Variants in FIBCD1 observed in about 807,000 individuals in gnomAD.
FIBCD1 encodes the protein fibrinogen C domain-containing protein 1.
FIBCD1 carries 47 observed loss-of-function variants against 45.1 expected under a neutral mutation model. The observed-to-expected ratio is 1.04, with a 90% CI of 0.82 to 1.33. FIBCD1 has a LOEUF of 1.33. Among genes scored for constraint, FIBCD1 ranks in the 40% most tolerant of loss-of-function variants. FIBCD1 has a pLI of 0.00. For synonymous variants in FIBCD1, 313 were observed against 308.1 expected (o/e 1.02, Z -0.17); for missense variants, 653 against 682.2 (o/e 0.96, Z 0.48).
rs751015097 is a variant in FIBCD1 at position 130,903,966 on chromosome 9, G to C, written c.*98C>G. ...CCCCTCCCTACTGGAGAGTGGGTCC[G>C]CCAGGCACAGGTGGGTGGAGAACAT... On this transcript the variant is annotated 3_prime_UTR_variant, in exon 7 of 7. Coordinates refer to ENST00000372338, the MANE Select transcript of FIBCD1 (RefSeq NM_032843.5). The C allele has an allele frequency of 2.0e-6, 3 of 1,500,766 alleles. No individual in the cohort carries two copies. The highest frequency in any genetic ancestry group is 2.7e-6 in the Non-Finnish European group (3 of 1,101,408). 93.0% of individuals were successfully genotyped at this position (1,500,766 alleles called of 1,614,324 possible).
chr9:130,929,589 C>T lies in FIBCD1; in HGVS notation c.530G>A (p.Ser177Asn). The change falls in exon 2 of 7, where the codon AGT becomes AAT. Residue 177 changes from serine (S) to asparagine (N), a missense_variant. Physicochemically the swap from Ser to Asn is conservative, Grantham distance 46. Transcript: ENST00000372338. ...TACCTGGATGAGGCGGCCCTGCTCA[C>T]TCTGCAGGGCGCTGAGGCCCTGGCC... ...TLGQGLSALQ[S>N]EQGRLIQLLS... 2 of 1,509,864 alleles carry T rather than the reference C, an allele frequency of 1.3e-6. No homozygotes were observed. Among genetic ancestry groups the T allele is most frequent in the Non-Finnish European group, 8.8e-7 (1 of 1,131,842 alleles). 93.5% of individuals were successfully genotyped at this position (1,509,864 alleles called of 1,614,324 possible).
chr9:130,920,951 G>A (rs377239961), intron 4 of FIBCD1, among the ~76,000 whole-genome samples: 3 of 152,250 alleles, frequency 2.0e-5, no homozygotes, highest in African/African-American at 4.8e-5. Context: ...AAGAATGAGC[G>A]TGTGCCACTG....
chr9:130,932,937 T>C (rs1832463456), intron 1 of FIBCD1, among the ~76,000 whole-genome samples: 1 of 152,164 alleles, frequency 6.6e-6, no homozygotes, highest in South Asian at 2.1e-4. Context: ...TCAGACTGTG[T>C]AGCATTAAGG....
chr9:130,924,535 CCCCTTGGGTCCCTGT>C, intron 2 of FIBCD1, 139 bp from the exon 3 acceptor site: 1 of 795,640 alleles, frequency 1.3e-6, no homozygotes, highest in African/African-American at 1.8e-5. Context: ...CCCTGCCCTG[CCCCTTGGGTCCCTGT>C]CCAAGGTGGT....
At chr9:130,925,499 G>A (rs559007751) in intron 2 of FIBCD1, among the ~76,000 whole-genome samples, 47 of 152,294 alleles carry the variant, frequency 3.1e-4, no homozygotes, top group African/African-American at 1.1e-3. Flanking sequence ...AACAGTGTCC[G>A]AATCTCTCCA....
intron 4 of FIBCD1, among the ~76,000 whole-genome samples, chr9:130,915,185 C>T (rs1459934597): frequency 1.3e-5 from 2 of 152,232 alleles, no homozygotes; most frequent in African/African-American, 4.8e-5. Context: ...GTGCCAAGAG[C>T]TGGTCCCTGC....
At chr9:130,930,905 C>T (rs971738564) in intron 1 of FIBCD1, 12 of 441,670 alleles carry the variant, frequency 2.7e-5, no homozygotes, top group Admixed American at 1.7e-4. Context: ...TCTCTGGGAA[C>T]GAGTGCCCTG....
At position 130,903,990 on chromosome 9, in the gene FIBCD1, A is replaced by G; in HGVS notation, c.*74T>C. The G allele has an allele frequency of 6.4e-7, 1 of 1,558,312 alleles. No homozygotes were observed. Among genetic ancestry groups the G allele is most frequent in the South Asian group, 1.2e-5 (1 of 85,104 alleles). On this transcript the variant is annotated 3_prime_UTR_variant, in exon 7 of 7. Coordinates refer to ENST00000372338, the MANE Select transcript of FIBCD1 (RefSeq NM_032843.5). ...CGCCAGGCACAGGTGGGTGGAGAAC[A>G]TTCACGAAAGAGTGAGGTGGGGTCG... is the stretch of plus-strand genomic sequence containing the variant.
In FIBCD1 at chr9:130,929,685, G is replaced by C; in HGVS notation, c.434C>G (p.Pro145Arg). The change falls in exon 2 of 7, where the codon CCC (proline) becomes CGC (arginine). Residue 145 changes from proline to arginine, a missense_variant. Pro to Arg is a moderately radical substitution (Grantham distance 103, BLOSUM62 -2). Coordinates refer to ENST00000372338, the MANE Select transcript of FIBCD1 (RefSeq NM_032843.5). ...CTCTGAGGCTCGGGCCAGCAGCCGG[G>C]GCAGCTGGTCGGCCAGCGTGTCCAG... ...ELLDTLADQL[P>R]RLLARASELQ... 1 of 1,604,158 alleles carries C rather than the reference G, an allele frequency of 6.2e-7. No individual in the cohort carries two copies. Among genetic ancestry groups the C allele is most frequent in the Non-Finnish European group, 8.5e-7 (1 of 1,176,062 alleles).
chr9:130,912,892 C>T (rs1430927019), intron 4 of FIBCD1, among the ~76,000 whole-genome samples: 1 of 152,190 alleles, frequency 6.6e-6, no homozygotes, highest in East Asian at 1.9e-4. Context: ...GAGCACCCCC[C>T]ACACACCCCA....
chr9:130,933,115 G>T (rs533961097), intron 1 of FIBCD1, among the ~76,000 whole-genome samples: 1 of 152,336 alleles, frequency 6.6e-6, no homozygotes, highest in South Asian at 2.1e-4. Context: ...GCCGCAGGGG[G>T]TCCCCTAGAG....
At chr9:130,924,453 C>T (rs1342054209) in intron 2 of FIBCD1, 57 bp from the exon 3 acceptor site, 14 of 1,502,656 alleles carry the variant, frequency 9.3e-6, no homozygotes, top group African/African-American at 6.8e-5. Flanking sequence ...GGTGGGGTGG[C>T]GCACATAGCA....
upstream of FIBCD1, among the ~76,000 whole-genome samples, chr9:130,940,281 C>A (rs888690806): frequency 1.3e-5 from 2 of 152,266 alleles, no homozygotes; most frequent in African/African-American, 4.8e-5. Flanking sequence ...TGCCACCCGC[C>A]AGGCGCTGGG....
In FIBCD1 at chr9:130,926,390, A is replaced by G. The variant is rs575100026; in HGVS notation, c.553-1994T>C. Among the ~76,000 whole-genome samples the G allele has an allele frequency of 5.3e-5, 8 of 152,240 alleles. No homozygotes were observed. Among genetic ancestry groups the G allele is most frequent in the Non-Finnish European group, 1.0e-4 (7 of 68,040 alleles). On this transcript the variant is annotated intron_variant, in intron 2 of 6. Transcript: ENST00000372338. This position sits in a 1 kb window ranked among gnomAD's most constrained non-coding sequence, Gnocchi z 4.1. ...AGTGAGTCCCTGCTTGCCGAGCTGCAGAGGCGCATCAGGGGAGGGCTGGAC... is the reference window on the plus strand; with the variant it reads ...AGTGAGTCCCTGCTTGCCGAGCTGCGGAGGCGCATCAGGGGAGGGCTGGAC...
At chr9:130,936,896 T>C (rs1339836438) in intron 1 of FIBCD1, among the ~76,000 whole-genome samples, 1 of 151,722 alleles carries the variant, frequency 6.6e-6, no homozygotes, top group African/African-American at 2.4e-5. Context: ...CCACAGGGCA[T>C]CAGGAAGTCT....
intron 4 of FIBCD1, among the ~76,000 whole-genome samples, chr9:130,917,358 G>A (rs982858268): frequency 6.6e-6 from 1 of 152,242 alleles, no homozygotes; most frequent in Non-Finnish European, 1.5e-5. Context: ...TGGAAGTGCC[G>A]CTTAGAGGGG....
At chr9:130,913,294 C>T (rs1024145019) in intron 4 of FIBCD1, among the ~76,000 whole-genome samples, 27 of 148,860 alleles carry the variant, frequency 1.8e-4, no homozygotes, top group South Asian at 1.1e-3. Flanking sequence ...TCCGAGGCAG[C>T]GCCCGCGGCC....
At chr9:130,911,227 C>G (rs1045758546) in intron 5 of FIBCD1, among the ~76,000 whole-genome samples, 6 of 152,120 alleles carry the variant, frequency 3.9e-5, no homozygotes, top group Non-Finnish European at 1.5e-5. Context: ...GGAAGAAACT[C>G]CGAACATATC....
chr9:130,908,462 G>C (rs1831975164), intron 5 of FIBCD1, among the ~76,000 whole-genome samples: 1 of 152,222 alleles, frequency 6.6e-6, no homozygotes, highest in South Asian at 2.1e-4. Context: ...TTTACCCCCA[G>C]CTTGGGGAGC....
Sources: gnomAD v4.1 joint callset for allele counts (sites outside exome capture counted in the v4.1 genomes callset) on GRCh38, gnomAD v4.1.1 for gene constraint, Gnocchi (gnomAD v3.1) non-coding constraint, MANE v1.5 for transcripts, NCBI Gene and HGNC (gene_info 2026-07-23, HGNC 2026-07-21) for gene names.